The following AHR variants were observed in gnomAD, a reference collection of about 807,000 sequenced individuals.
AHR encodes aryl hydrocarbon receptor.
In AHR, 40 loss-of-function variants were observed where a neutral mutation model predicts 86.8. The ratio of observed to expected loss-of-function variants is 0.46; its 90% CI spans 0.36 to 0.60. The LOEUF (loss-of-function observed/expected upper bound fraction) is 0.60. Among genes scored for constraint, AHR ranks in the 20% least tolerant of loss-of-function variants. The pLI is 0.00. For missense variants in AHR, 1,001 were observed against 1,011.6 expected, an observed-to-expected ratio of 0.99 and a Z score of 0.14; for synonymous variants, 398 against 354.9, an observed-to-expected ratio of 1.12 and a Z score of -1.37.
At chr7:17,328,085 T>C (rs150569928) in intron 4 of AHR, among the ~76,000 whole-genome samples, 305 of 152,024 alleles carry the variant, frequency 2.0e-3, no homozygotes, top group Middle Eastern at 6.8e-3. Context: ...GAATCTTATA[T>C]ATAAGAAACT....
At chr7:17,341,642 A>G (rs917045443) in intron 10 of AHR, among the ~76,000 whole-genome samples, 8 of 152,180 alleles carry the variant, frequency 5.3e-5, no homozygotes, top group African/African-American at 1.9e-4. Context: ...TGAAGTACAC[A>G]TTGGATTTTT....
chr7:17,321,965 AAC>A (rs1222096630), intron 2 of AHR, among the ~76,000 whole-genome samples: 1 of 152,054 alleles, frequency 6.6e-6, no homozygotes. Context: ...CACAGTAATT[AAC>A]AGTTTTTACC....
intron 8 of AHR, 23 bp downstream of exon 8, chr7:17,335,019 C>T: frequency 1.3e-6 from 2 of 1,562,726 alleles, no homozygotes; most frequent in Non-Finnish European, 1.8e-6. Flanking sequence ...TCCTTATGAA[C>T]ATGTCAGAAG....
intron 2 of AHR, among the ~76,000 whole-genome samples, chr7:17,310,436 T>A (rs533961765): frequency 9.9e-5 from 15 of 151,280 alleles, no homozygotes; most frequent in African/African-American, 1.7e-4. Flanking sequence ...AAGTCTTTTT[T>A]AAAAAAAAAG....
chr7:17,305,154 T>A (rs895957262), intron 1 of AHR, among the ~76,000 whole-genome samples: 3 of 152,118 alleles, frequency 2.0e-5, no homozygotes, highest in African/African-American at 7.2e-5. Flanking sequence ...TCTGACTCAT[T>A]AAAAGTGGCT....
chr7:17,321,905 T>C (rs546878480), intron 2 of AHR, among the ~76,000 whole-genome samples: 7 of 152,034 alleles, frequency 4.6e-5, no homozygotes, highest in Non-Finnish European at 8.8e-5. Flanking sequence ...ATAAAGACAT[T>C]AATTCTCCAT....
chr7:17,337,350 G>A (rs1299559857), intron 9 of AHR, among the ~76,000 whole-genome samples: 1 of 151,942 alleles, frequency 6.6e-6, no homozygotes, highest in Non-Finnish European at 1.5e-5. Flanking sequence ...TTATATATCA[G>A]AAGTCTAGTT....
intron 1 of AHR, among the ~76,000 whole-genome samples, chr7:17,301,970 C>T (rs557624097): frequency 2.0e-5 from 3 of 151,854 alleles, no homozygotes; most frequent in Non-Finnish European, 4.4e-5. Context: ...AAAAAGAGAA[C>T]AAATCCTGTG....
At chr7:17,335,916 G>A in intron 9 of AHR, 130 bp downstream of exon 9, 1 of 919,446 alleles carries the variant, frequency 1.1e-6, no homozygotes, top group Non-Finnish European at 1.6e-6. Flanking sequence ...CATCTAGAAA[G>A]AAGAGCACAG....
intron 1 of AHR, among the ~76,000 whole-genome samples, chr7:17,300,401 C>T (rs945566070): frequency 6.6e-6 from 1 of 152,198 alleles, no homozygotes; most frequent in Non-Finnish European, 1.5e-5. Context: ...TTTGCTTAGA[C>T]TCCAACTATC....
intron 1 of AHR, among the ~76,000 whole-genome samples, chr7:17,308,619 G>A (rs1584030205): frequency 2.6e-5 from 4 of 151,844 alleles, no homozygotes; most frequent in African/African-American, 9.7e-5. Context: ...GGGGAAAATA[G>A]CTAGGGGAAC....
intron 2 of AHR, among the ~76,000 whole-genome samples, chr7:17,321,797 C>T (rs1206644263): frequency 6.6e-6 from 1 of 151,906 alleles, no homozygotes; most frequent in African/African-American, 2.4e-5. Flanking sequence ...CTGTGCACAT[C>T]TTTTTTGTAG....
chr7:17,306,221 A>G (rs1251763763), intron 1 of AHR, among the ~76,000 whole-genome samples: 1 of 152,142 alleles, frequency 6.6e-6, no homozygotes, highest in East Asian at 1.9e-4. Context: ...AAGTAAAAAT[A>G]TTAGCGTAAT....
chr7:17,309,857 A>G (rs749530705), intron 1 of AHR, 79 bp from the exon 2 acceptor site: 102 of 1,168,280 alleles, frequency 8.7e-5, no homozygotes, highest in Non-Finnish European at 9.7e-5. Context: ...GAAATATTTG[A>G]GGAGATGTTA....
chr7:17,314,024 A>G (rs1782092029), intron 2 of AHR, among the ~76,000 whole-genome samples: 1 of 152,080 alleles, frequency 6.6e-6, no homozygotes, highest in Non-Finnish European at 1.5e-5. Flanking sequence ...AGATTTCCTT[A>G]CTATTTTTTG....
intron 8 of AHR, among the ~76,000 whole-genome samples, chr7:17,335,400 C>G (rs1340740081): frequency 2.0e-5 from 3 of 152,020 alleles, no homozygotes; most frequent in Non-Finnish European, 1.5e-5. Flanking sequence ...TATGTTCTCT[C>G]TATACTTTCC....
chr7:17,302,810 AATATATAT>A (rs572946925), intron 1 of AHR, among the ~76,000 whole-genome samples: 1 of 149,758 alleles, frequency 6.7e-6, no homozygotes, highest in Non-Finnish European at 1.5e-5. Flanking sequence ...ACAAAAAAAA[AATATATAT>A]ATATATATAA....
At chr7:17,311,996 G>C (rs1782069791) in intron 2 of AHR, among the ~76,000 whole-genome samples, 1 of 152,202 alleles carries the variant, frequency 6.6e-6, no homozygotes, top group Non-Finnish European at 1.5e-5. Flanking sequence ...GAACTTGCTA[G>C]AAATGCAAAT....
rs187456105 is a variant in AHR, at chr7:17,330,993, C to T, written c.705+107C>T. The T allele has an allele frequency of 1.8e-5, 22 of 1,227,432 alleles. No homozygotes were observed. The African/African-American group carries it at 2.1e-4, about 12-fold the overall frequency. 76.0% of individuals were successfully genotyped at this position (1,227,432 alleles called of 1,614,324 possible). On this transcript the variant is annotated intron_variant, in intron 6 of 10. Coordinates refer to ENST00000242057, the MANE Select transcript of AHR (RefSeq NM_001621.5). ...ATTCAGCAGAGAACTATTCCCAAAT[C>T]AGGCAACCCTCAGAACCAGAGAGCT...
Sources: gnomAD v4.1 joint callset for allele counts (sites outside exome capture counted in the v4.1 genomes callset) on GRCh38, gnomAD v4.1.1 for gene constraint, MANE v1.5 for transcripts, NCBI Gene and HGNC (gene_info 2026-07-23, HGNC 2026-07-21) for gene names.